The following HECTD2 variants were observed in gnomAD, a reference collection of about 807,000 sequenced individuals.
The protein encoded by HECTD2 is probable E3 ubiquitin-protein ligase HECTD2.
HECTD2 carries 35 observed loss-of-function variants against 103.2 expected under a neutral mutation model. The observed-to-expected ratio is 0.34, with a 90% CI of 0.26 to 0.45. HECTD2 has a LOEUF of 0.45. Ranked by LOEUF, HECTD2 falls within the 20% of genes least tolerant of loss-of-function variation. The probability of loss-of-function intolerance (pLI) is 1.00; values close to 1 mark genes in which losing one functional copy is unlikely to be tolerated. For missense variants in HECTD2, 596 were observed against 937.4 expected, an observed-to-expected ratio of 0.64 and a Z score of 4.76; for synonymous variants, 281 against 329.9, an observed-to-expected ratio of 0.85 and a Z score of 1.61.
intron 20 of HECTD2, among the ~76,000 whole-genome samples, chr10:91,506,891 A>C (rs11498670): frequency 0.16 from 22,249 of 140,874 alleles, 4,730 homozygotes; most frequent in African/African-American, 0.52. Flanking sequence ...TACTGGCAAA[A>C]CGAATCCAGC....
At position 91,451,957 on chromosome 10, in the gene HECTD2, C is replaced by G. The variant is rs180965657; in HGVS notation, c.269-8470C>G. 1.2e-4 allele frequency among the ~76,000 whole-genome samples: 18 copies of G among 152,166 alleles called. No homozygotes were observed. The East Asian group carries it at 3.5e-3, about 29-fold the overall frequency. ...TAAAATCTATAAGATATTAATCATT[C>G]TGTTGTTTTAGAAGGATTAATACTT... On this transcript the variant is annotated intron_variant, in intron 2 of 20. Transcript: ENST00000298068.
chr10:91,511,958 G>A (rs1197814318), intron 20 of HECTD2, among the ~76,000 whole-genome samples: 4 of 152,226 alleles, frequency 2.6e-5, no homozygotes, highest in Non-Finnish European at 4.4e-5. Flanking sequence ...CCCACAGCTA[G>A]TAAGTGGGGA....
rs891464762 is a variant in HECTD2 at position 91,443,969 on chromosome 10, T to G, written c.269-16458T>G. Among the ~76,000 whole-genome samples the G allele has an allele frequency of 1.3e-5, 2 of 152,188 alleles. 1 individual carries two copies. The highest frequency in any genetic ancestry group is 2.9e-5 in the Non-Finnish European group (2 of 68,026). On this transcript the variant is annotated intron_variant, in intron 2 of 20. Transcript: ENST00000298068. Reference sequence around the variant, plus strand: ...ATTAGGTATCTCCACAAATGGCTTCTTATAGATTATATTTGGTAATCTTTA... The same window carrying G: ...ATTAGGTATCTCCACAAATGGCTTCGTATAGATTATATTTGGTAATCTTTA...
intron 1 of HECTD2, among the ~76,000 whole-genome samples, chr10:91,421,435 A>G (rs1182910608): frequency 2.0e-5 from 3 of 152,150 alleles, no homozygotes; most frequent in Admixed American, 1.3e-4. Flanking sequence ...CCTGGGCCAC[A>G]TTGGAAGAAT....
chr10:91,468,939 C>CAAAA (rs375935105), intron 5 of HECTD2, among the ~76,000 whole-genome samples: 20 of 98,438 alleles, frequency 2.0e-4, no homozygotes, highest in African/African-American at 6.8e-4. Context: ...CTGTCTCACT[C>CAAAA]AAAAAAAAAA....
intron 2 of HECTD2, among the ~76,000 whole-genome samples, chr10:91,457,773 T>C (rs538743959): frequency 1.3e-5 from 2 of 151,966 alleles, no homozygotes; most frequent in South Asian, 2.1e-4. Context: ...AGCACTCTTA[T>C]TCAACATGGT....
At chr10:91,431,713 C>T (rs964794595) in intron 2 of HECTD2, among the ~76,000 whole-genome samples, 1 of 152,088 alleles carries the variant, frequency 6.6e-6, no homozygotes, top group Non-Finnish European at 1.5e-5. Flanking sequence ...GTTCTCGAGC[C>T]TTGGCTTTCA....
intron 2 of HECTD2, among the ~76,000 whole-genome samples, chr10:91,439,948 G>C (rs1589483632): frequency 6.6e-6 from 1 of 152,164 alleles, no homozygotes; most frequent in African/African-American, 2.4e-5. Context: ...CTGAGACTTT[G>C]CTGAAGTTGC....
intron 2 of HECTD2, among the ~76,000 whole-genome samples, chr10:91,427,993 G>A (rs1213668003): frequency 1.3e-5 from 2 of 151,680 alleles, no homozygotes; most frequent in East Asian, 3.9e-4. Context: ...TTTCTTCTAG[G>A]GTTTTTATGG....
At chr10:91,486,114 T>A (rs1483683240) in intron 10 of HECTD2, 1 of 152,076 alleles carries the variant, frequency 6.6e-6, no homozygotes, top group East Asian at 1.9e-4. Flanking sequence ...AGAGATACAG[T>A]GTGGATATAA....
intron 5 of HECTD2, among the ~76,000 whole-genome samples, chr10:91,466,538 G>A (rs753549900): frequency 6.6e-6 from 1 of 152,080 alleles, no homozygotes; most frequent in Non-Finnish European, 1.5e-5. Context: ...TATTCATTCA[G>A]TGCTATACAT....
chr10:91,428,922 G>A (rs1452821565), intron 2 of HECTD2, among the ~76,000 whole-genome samples: 2 of 151,856 alleles, frequency 1.3e-5, no homozygotes, highest in African/African-American at 2.4e-5. Context: ...ATGTTGAATC[G>A]GAGTGGTGAG....
At chr10:91,511,624 A>C (rs1254135830) in intron 20 of HECTD2, among the ~76,000 whole-genome samples, 1 of 152,148 alleles carries the variant, frequency 6.6e-6, no homozygotes, top group African/African-American at 2.4e-5. Context: ...ATCAGGCATT[A>C]GATTCTCATA....
chr10:91,485,589 A>G (rs1846237860), intron 10 of HECTD2: 1 of 229,634 alleles, frequency 4.4e-6, no homozygotes. Context: ...TTCTATGCAC[A>G]GGGGTCAGCA....
At chr10:91,457,106 G>A (rs772249317) in intron 2 of HECTD2, among the ~76,000 whole-genome samples, 25 of 152,062 alleles carry the variant, frequency 1.6e-4, no homozygotes, top group Non-Finnish European at 2.9e-4. Flanking sequence ...AAAAGCTATT[G>A]CAGCTCATCC....
chr10:91,509,999 G>A (rs1387608193), intron 20 of HECTD2, among the ~76,000 whole-genome samples: 1 of 152,030 alleles, frequency 6.6e-6, no homozygotes, highest in African/African-American at 2.4e-5. Context: ...GAGGATAACA[G>A]GAGTCCAGAA....
chr10:91,502,218 T>C (rs1846929734), intron 20 of HECTD2, among the ~76,000 whole-genome samples: 1 of 152,214 alleles, frequency 6.6e-6, no homozygotes, highest in African/African-American at 2.4e-5. Context: ...CCAGGCTATC[T>C]ACCAGTTTTC....
chr10:91,458,841 A>G (rs1798685869), intron 2 of HECTD2, among the ~76,000 whole-genome samples: 1 of 152,014 alleles, frequency 6.6e-6, no homozygotes, highest in Non-Finnish European at 1.5e-5. Flanking sequence ...TAGACTTGAC[A>G]CCAAAAGTAC....
At chr10:91,474,466 C>T (rs1845838055) in intron 5 of HECTD2, among the ~76,000 whole-genome samples, 2 of 152,092 alleles carry the variant, frequency 1.3e-5, no homozygotes, top group Admixed American at 6.5e-5. Flanking sequence ...ATCGTTGTTA[C>T]TAACTTCAGA....
Sources: gnomAD v4.1 joint callset for allele counts (sites outside exome capture counted in the v4.1 genomes callset) on GRCh38, gnomAD v4.1.1 for gene constraint, MANE v1.5 for transcripts, NCBI Gene and HGNC (gene_info 2026-07-23, HGNC 2026-07-21) for gene names.